The following CLIC2 variants were observed in gnomAD, a reference collection of about 807,000 sequenced individuals.
The protein encoded by CLIC2 is chloride intracellular channel protein 2.
A neutral mutation model predicts 14.8 loss-of-function variants in CLIC2; 9 were observed. The ratio of observed to expected loss-of-function variants is 0.61; its 90% CI spans 0.37 to 1.06. CLIC2 has a LOEUF of 1.06. Among genes scored for constraint, CLIC2 ranks in the 50% least tolerant of loss-of-function variants. The pLI is 0.01. For synonymous variants in CLIC2, 61 were observed against 66.3 expected (o/e 0.92, Z 0.39); for missense variants, 148 against 181.4 (o/e 0.82, Z 1.06).
intron 1 of CLIC2, among the ~76,000 whole-genome samples, chrX:155,319,325 G>T (rs901608816): frequency 2.0e-4 from 22 of 111,554 alleles, no homozygotes; most frequent in Admixed American, 5.7e-4. Flanking sequence ...AACACAGAAG[G>T]CAGGTGATTT....
intron 1 of CLIC2, among the ~76,000 whole-genome samples, chrX:155,316,824 G>T (rs2075096737): frequency 9.0e-6 from 1 of 110,896 alleles, no homozygotes; most frequent in South Asian, 3.8e-4. Flanking sequence ...ACGAGAGAAA[G>T]ATGTAGGCTG....
At chrX:155,320,809 A>C (rs1302968094) in intron 1 of CLIC2, among the ~76,000 whole-genome samples, 3 of 111,645 alleles carry the variant, frequency 2.7e-5, no homozygotes, top group Non-Finnish European at 5.6e-5. Context: ...GAAGCTAAGA[A>C]CCTTGAAAAA....
intron 3 of CLIC2, among the ~76,000 whole-genome samples, chrX:155,289,314 A>G (rs2074954429): frequency 8.9e-6 from 1 of 111,937 alleles, no homozygotes; most frequent in South Asian, 3.6e-4. Flanking sequence ...CTAAACATGA[A>G]GTATTCTAGC....
intron 1 of CLIC2, among the ~76,000 whole-genome samples, chrX:155,308,650 T>A (rs2075063844): frequency 8.9e-6 from 1 of 111,908 alleles, no homozygotes; most frequent in Non-Finnish European, 1.9e-5. Flanking sequence ...AAAGAAAGGA[T>A]CTTAAAGCAG....
At chrX:155,286,018 G>T (rs1557317053) in intron 3 of CLIC2, among the ~76,000 whole-genome samples, 1 of 110,567 alleles carries the variant, frequency 9.0e-6, no homozygotes, top group East Asian at 2.8e-4. Context: ...ACATGTGAAG[G>T]TTTGTTACAT....
In CLIC2 at chrX:155,280,029, A is replaced by T. The variant is rs782784956; in HGVS notation, c.333T>A (p.Asp111Glu). The T allele has an allele frequency of 6.3e-5, 76 of 1,207,134 alleles. No homozygotes were observed. Among genetic ancestry groups the T allele is most frequent in the Non-Finnish European group, 8.3e-5 (74 of 892,446 alleles). The change falls in exon 4 of 6, where the codon GAT becomes GAA. Residue 111 changes from aspartate to glutamate, a missense_variant. By Grantham distance (45) the Asp-to-Glu change is conservative. Transcript: ENST00000369449. Reference sequence around the variant, plus strand: ...ACTTGGCAAAGAGGTTACAGCCCACATCAAAAGACTCCTTGTACTTGGGAC... The same window carrying T: ...ACTTGGCAAAGAGGTTACAGCCCACTTCAAAAGACTCCTTGTACTTGGGAC... The part of the protein sequence containing the change: ...HLSPKYKESF[D>E]VGCNLFAKFS...
At chrX:155,314,630 C>T (rs1475092809) in intron 1 of CLIC2, among the ~76,000 whole-genome samples, 2 of 111,999 alleles carry the variant, frequency 1.8e-5, no homozygotes, top group Admixed American at 1.9e-4. Context: ...TGAGAAATAA[C>T]TAGAAAATCA....
intron 3 of CLIC2, among the ~76,000 whole-genome samples, chrX:155,285,040 G>T (rs1158663764): frequency 8.9e-6 from 1 of 112,423 alleles, no homozygotes; most frequent in Non-Finnish European, 1.9e-5. Flanking sequence ...TTTTATGAAA[G>T]AATGGAGTTC....
intron 1 of CLIC2, 146 bp from the exon 2 acceptor site, chrX:155,299,291 G>T: frequency 2.1e-6 from 1 of 465,824 alleles, no homozygotes; most frequent in East Asian, 4.0e-5. Context: ...GAGAGATATA[G>T]GGAAGCAAAT....
At position 155,306,745 on chromosome X, in the gene CLIC2, G is replaced by C. The variant is rs1450495979; in HGVS notation, c.58-7600C>G. 2.7e-5 allele frequency among the ~76,000 whole-genome samples: 3 copies of C among 110,474 alleles called. No homozygotes were observed. In the East Asian group the frequency reaches 8.6e-4, roughly 31 times the overall value. On this transcript the variant is annotated intron_variant, in intron 1 of 5. Coordinates refer to ENST00000369449, the MANE Select transcript of CLIC2 (RefSeq NM_001289.6). ...AAAGCAGGAGTGAGAGAGAGAGAGA[G>C]AGAGTGGGGGATGAGATGCCACACT...
At position 155,299,027 on chromosome X, in the gene CLIC2, T is replaced by G. The variant is rs1557318696; in HGVS notation, c.167+9A>C. The G allele has an allele frequency of 8.4e-7, 1 of 1,189,484 alleles. No homozygotes were observed. Among genetic ancestry groups the G allele is most frequent in the Non-Finnish European group, 1.1e-6 (1 of 875,271 alleles). ...TTCCTAGAATTTAACATGTCCTGATTTCTCTTACCTGGTCATGTCAACAGT... is the reference window on the plus strand; with the variant it reads ...TTCCTAGAATTTAACATGTCCTGATGTCTCTTACCTGGTCATGTCAACAGT... On this transcript the variant is annotated intron_variant, in intron 2 of 5. Transcript: ENST00000369449.
rs138497899 is a variant in CLIC2 at position 155,290,829 on chromosome X, G to A, written c.293+7956C>T. Reference sequence around the variant, plus strand: ...TTTTCCAAAGCCTGAAAAGCTTCTCGAGAAATAGGAAATGCTACTCCTTGT... The same window carrying A: ...TTTTCCAAAGCCTGAAAAGCTTCTCAAGAAATAGGAAATGCTACTCCTTGT... On this transcript the variant is annotated intron_variant, in intron 3 of 5. Coordinates refer to ENST00000369449, the MANE Select transcript of CLIC2 (RefSeq NM_001289.6). 1.9e-5 allele frequency: 12 copies of A among 633,454 alleles called. No homozygotes were observed. In the South Asian group the frequency reaches 2.4e-4, roughly 13 times the overall value. 52.2% of individuals were successfully genotyped at this position (633,454 alleles called of 1,213,427 possible). A position where few individuals can be genotyped will look rare whatever the true frequency, so the allele number is the denominator to read the frequency against.
chrX:155,325,622 T>G (rs1331804496), intron 1 of CLIC2, among the ~76,000 whole-genome samples: 1 of 106,619 alleles, frequency 9.4e-6, no homozygotes, highest in African/African-American at 3.4e-5. Flanking sequence ...GAGCATTACC[T>G]AATGCATGTG....
chrX:155,316,412 T>C (rs1279897274), intron 1 of CLIC2, among the ~76,000 whole-genome samples: 2 of 111,591 alleles, frequency 1.8e-5, no homozygotes, highest in Non-Finnish European at 3.8e-5. Flanking sequence ...TTATATCAAG[T>C]ATTCTCTCAG....
At chrX:155,300,207 T>C (rs1366781010) in intron 1 of CLIC2, among the ~76,000 whole-genome samples, 4 of 110,184 alleles carry the variant, frequency 3.6e-5, no homozygotes, top group African/African-American at 1.3e-4. Flanking sequence ...TGTAAAAGTG[T>C]TCCTATTTCT....
In CLIC2 at chrX:155,291,325, G is replaced by T. The variant is rs2074964024; in HGVS notation, c.293+7460C>A. The T allele has an allele frequency of 6.7e-6, 6 of 891,154 alleles. No individual in the cohort carries two copies. In the Admixed American group the frequency reaches 1.3e-4, roughly 20 times the overall value. The allele number at this position is 891,154 out of a possible 1,213,427, so 73.4% of individuals were successfully genotyped here. A position where few individuals can be genotyped will look rare whatever the true frequency, so the allele number is the denominator to read the frequency against. On this transcript the variant is annotated intron_variant, in intron 3 of 5. Coordinates refer to ENST00000369449, the MANE Select transcript of CLIC2 (RefSeq NM_001289.6). ...GTCTGTACTTTCCATTTCTGGCTCT[G>T]GCAAGATCTCTTTAACATCTTCACT...
intron 1 of CLIC2, among the ~76,000 whole-genome samples, chrX:155,307,187 A>G: frequency 8.9e-6 from 1 of 111,736 alleles, no homozygotes; most frequent in Non-Finnish European, 1.9e-5. Flanking sequence ...TGAAGAAAGG[A>G]AGTGCATTTT....
intron 1 of CLIC2, among the ~76,000 whole-genome samples, chrX:155,308,626 C>T (rs1277106443): frequency 2.7e-5 from 3 of 111,615 alleles, no homozygotes; most frequent in Non-Finnish European, 5.6e-5. Flanking sequence ...GTCCAACTCT[C>T]AAAGGTCAAG....
At chrX:155,328,846 G>A (rs1189382334) in intron 1 of CLIC2, among the ~76,000 whole-genome samples, 2 of 110,269 alleles carry the variant, frequency 1.8e-5, no homozygotes, top group Non-Finnish European at 3.8e-5. Context: ...CTCATTTTCA[G>A]GAAAGGTGCC....
Sources: gnomAD v4.1 joint callset for allele counts (sites outside exome capture counted in the v4.1 genomes callset) on GRCh38, gnomAD v4.1.1 for gene constraint, MANE v1.5 for transcripts, NCBI Gene and HGNC (gene_info 2026-07-23, HGNC 2026-07-21) for gene names.